The following PLEKHM2 variants were observed in gnomAD, a reference collection of about 807,000 sequenced individuals.
The protein encoded by PLEKHM2 is pleckstrin homology domain-containing family M member 2.
A neutral mutation model predicts 116.3 loss-of-function variants in PLEKHM2; 77 were observed. That is an observed-to-expected ratio of 0.66 (90% CI 0.55 to 0.80). The LOEUF (loss-of-function observed/expected upper bound fraction) is 0.80. Ranked by LOEUF, PLEKHM2 falls within the 30% of genes least tolerant of loss-of-function variation. The probability of loss-of-function intolerance (pLI) is 0.00; values close to 1 mark genes in which losing one functional copy is unlikely to be tolerated. For missense variants in PLEKHM2, 1,183 were observed against 1,354.9 expected (o/e 0.87, Z 1.99); for synonymous variants, 562 against 571.0 (o/e 0.98, Z 0.22).
chr1:15,731,209 A>G lies in PLEKHM2; in HGVS notation c.2417A>G (p.Gln806Arg). Residue 806 changes from glutamine (Q) to arginine (R), a missense_variant, in exon 16 of 20, where the codon CAG (glutamine) becomes CGG (arginine). Physicochemically the swap from Gln to Arg is conservative, Grantham distance 43 (BLOSUM62 1). Coordinates refer to ENST00000375799, the MANE Select transcript of PLEKHM2 (RefSeq NM_015164.4). Reference protein sequence around the residue: ...FVVLSNGILYQYPDRTDVIPL... With the variant: ...FVVLSNGILYRYPDRTDVIPL... ...CCCTGCAGCAACGGGATCCTCTACC[A>G]GTACCCGGACCGCACCGACGTCATC... 1 of 1,599,026 alleles carries G rather than the reference A, an allele frequency of 6.3e-7. No individual in the cohort carries two copies. Among genetic ancestry groups the G allele is most frequent in the Non-Finnish European group, 8.5e-7 (1 of 1,172,686 alleles).
chr1:15,686,666 T>TTTTTTG (rs71306989), intron 1 of PLEKHM2, among the ~76,000 whole-genome samples: 1 of 150,022 alleles, frequency 6.7e-6, no homozygotes, highest in Admixed American at 6.6e-5. Flanking sequence ...TTTTTTTTTT[T>TTTTTTG]GAGACGGAGT....
At chr1:15,696,531 A>T (rs1441989330) in intron 1 of PLEKHM2, among the ~76,000 whole-genome samples, 2 of 152,008 alleles carry the variant, frequency 1.3e-5, no homozygotes, top group Non-Finnish European at 2.9e-5. Context: ...TTGTATTTTT[A>T]GTAGAGACGG....
upstream of PLEKHM2, chr1:15,681,563 C>A: frequency 2.1e-6 from 1 of 478,714 alleles, no homozygotes; most frequent in East Asian, 6.1e-5. Flanking sequence ...AGAAGAATCC[C>A]AAAGCTTGTT....
chr1:15,718,321 G>A (rs574931660), intron 4 of PLEKHM2, among the ~76,000 whole-genome samples: 7 of 152,340 alleles, frequency 4.6e-5, no homozygotes, highest in East Asian at 1.9e-4. Flanking sequence ...CCTTGTGCTC[G>A]TCCATCTCTG....
chr1:15,697,828 G>A (rs1394891849), intron 1 of PLEKHM2, among the ~76,000 whole-genome samples: 1 of 151,874 alleles, frequency 6.6e-6, no homozygotes, highest in East Asian at 1.9e-4. Flanking sequence ...AGTAGAGACA[G>A]GGTCTCGCCA....
rs186992487 is a variant in PLEKHM2, at chr1:15,716,145, C to G, written c.61-92C>G. ...TGGTCATTGTGGATACACCATTTGA[C>G]TAATTTTTTTTAGCTACCTTCTTGA... is the stretch of plus-strand genomic sequence containing the variant. On this transcript the variant is annotated intron_variant, in intron 1 of 19. Transcript: ENST00000375799. 1.8e-4 allele frequency: 138 copies of G among 774,152 alleles called. No individual in the cohort carries two copies. In the African/African-American group the frequency reaches 2.3e-3, roughly 13 times the overall value. 48.0% of individuals were successfully genotyped at this position (774,152 alleles called of 1,614,324 possible).
At chr1:15,696,603 G>A (rs1451432965) in intron 1 of PLEKHM2, among the ~76,000 whole-genome samples, 2 of 152,046 alleles carry the variant, frequency 1.3e-5, no homozygotes, top group African/African-American at 2.4e-5. Flanking sequence ...CGCCCGCCTC[G>A]GCCTCCCAAA....
Position 15,734,080 on chromosome 1 carries a change from G to A in PLEKHM2, c.*146G>A. On this transcript the variant is annotated 3_prime_UTR_variant, in exon 20 of 20. Coordinates refer to ENST00000375799, the MANE Select transcript of PLEKHM2 (RefSeq NM_015164.4). Reference sequence around the variant, plus strand: ...GAACCACCGAGTGTGGCTTAAGACAGGGTCCCTCCACTCCAGGGATCCAGA... The same window carrying A: ...GAACCACCGAGTGTGGCTTAAGACAAGGTCCCTCCACTCCAGGGATCCAGA... 2 of 875,480 alleles carry A rather than the reference G, an allele frequency of 2.3e-6. No individual in the cohort carries two copies. The highest frequency in any genetic ancestry group is 3.4e-6 in the Non-Finnish European group (2 of 593,170). 54.2% of individuals were successfully genotyped at this position (875,480 alleles called of 1,614,324 possible). A position where few individuals can be genotyped will look rare whatever the true frequency, so the allele number is the denominator to read the frequency against.
chr1:15,727,631 C>A lies in PLEKHM2; in HGVS notation c.1559C>A (p.Thr520Asn). Reference sequence around the variant, plus strand: ...CAGACGCCTCGGCCCCTAGAGGATACCACGAGGGAGGCTCAGGAGCTGGAG... The same window carrying A: ...CAGACGCCTCGGCCCCTAGAGGATAACACGAGGGAGGCTCAGGAGCTGGAG... ...EGQTPRPLED[T>N]TREAQELEAQ... Residue 520 changes from threonine to asparagine, a missense_variant, in exon 9 of 20, where the codon ACC (threonine) becomes AAC (asparagine). Physicochemically the swap from Thr to Asn is moderately conservative, Grantham distance 65 (BLOSUM62 0). Transcript: ENST00000375799. The surrounding 1 kb of genome is among the most constrained non-coding windows in gnomAD (Gnocchi z 7.5). The A allele has an allele frequency of 6.3e-7, 1 of 1,591,326 alleles. No individual in the cohort carries two copies. Among genetic ancestry groups the A allele is most frequent in the Non-Finnish European group, 8.5e-7 (1 of 1,169,652 alleles).
intron 1 of PLEKHM2, among the ~76,000 whole-genome samples, chr1:15,702,799 C>T (rs1641142635): frequency 6.9e-6 from 1 of 145,078 alleles, no homozygotes; most frequent in Admixed American, 7.0e-5. Context: ...TGGCACATTG[C>T]AGCCTCCAGC....
rs955813301 is a variant in PLEKHM2, at chr1:15,721,690, C to T, written c.712+302C>T. Among the ~76,000 whole-genome samples the T allele has an allele frequency of 2.6e-5, 4 of 152,150 alleles. No homozygotes were observed. Among genetic ancestry groups the T allele is most frequent in the Admixed American group, 2.0e-4 (3 of 15,274 alleles). On this transcript the variant is annotated intron_variant, in intron 7 of 19. Transcript: ENST00000375799. This position sits in a 1 kb window ranked among gnomAD's most constrained non-coding sequence, Gnocchi z 5.1. ...CCTGATTCCAGTGCCAGCTGATGCT[C>T]TCGGGGTGTGTAGGGCCTGACCCAG...
chr1:15,730,026 C>A, intron 14 of PLEKHM2, 97 bp downstream of exon 14: 1 of 547,082 alleles, frequency 1.8e-6, no homozygotes, highest in Non-Finnish European at 2.8e-6. Flanking sequence ...GATGTCTTTG[C>A]CATTTCACAA....
chr1:15,708,878 A>G (rs534497214), intron 1 of PLEKHM2, among the ~76,000 whole-genome samples: 284 of 152,338 alleles, frequency 1.9e-3, no homozygotes, highest in African/African-American at 6.7e-3. Context: ...AAAGTGTGTC[A>G]TCGTCATCAT....
chr1:15,732,059 C>T lies in PLEKHM2; in HGVS notation c.2625+11C>T, dbSNP rs866175633. ...GCTGTGTCCAAAGGGGTGAGCTTCG[C>T]CTGCCCCTACCGCTCACCTGGCTTG... is the stretch of plus-strand genomic sequence containing the variant. On this transcript the variant is annotated intron_variant, in intron 17 of 19. Coordinates refer to ENST00000375799, the MANE Select transcript of PLEKHM2 (RefSeq NM_015164.4). 1.9e-6 allele frequency: 3 copies of T among 1,607,246 alleles called. No individual in the cohort carries two copies. Among genetic ancestry groups the T allele is most frequent in the Middle Eastern group, 1.7e-4 (1 of 6,040 alleles).
chr1:15,683,926 G>A (rs1571009543), upstream of PLEKHM2, among the ~76,000 whole-genome samples: 1 of 137,770 alleles, frequency 7.3e-6, no homozygotes, highest in African/African-American at 2.7e-5. Context: ...CGAGGCCTGG[G>A]GGAGGGTCTC....
In PLEKHM2 at chr1:15,727,249, C is replaced by T; in HGVS notation, c.1177C>T (p.Leu393=). ...TESSERSEPG[L]LIPEMKDTSM... The stretch of plus-strand genomic sequence containing the variant: ...GAGCAGCGAGCGCTCCGAGCCGGGC[C>T]TGCTGATCCCTGAGATGAAGGACAC... Residue 393 remains leucine, a synonymous_variant, in exon 9 of 20, where the codon CTG becomes TTG. Coordinates refer to ENST00000375799, the MANE Select transcript of PLEKHM2 (RefSeq NM_015164.4). This position sits in a 1 kb window ranked among gnomAD's most constrained non-coding sequence, Gnocchi z 7.5. 6.2e-7 allele frequency: 1 copy of T among 1,605,130 alleles called. No individual in the cohort carries two copies.
At chr1:15,730,500 T>C (rs749598077) in intron 14 of PLEKHM2, 32 bp from the exon 15 acceptor site, 1 of 1,501,294 alleles carries the variant, frequency 6.7e-7, no homozygotes, top group South Asian at 1.3e-5. Context: ...AGGCCTTACT[T>C]GCTTTGTCCC....
Position 15,721,754 on chromosome 1 carries a change from A to T in PLEKHM2, c.712+366A>T, listed in dbSNP as rs975057068. On this transcript the variant is annotated intron_variant, in intron 7 of 19. Coordinates refer to ENST00000375799, the MANE Select transcript of PLEKHM2 (RefSeq NM_015164.4). This position sits in a 1 kb window ranked among gnomAD's most constrained non-coding sequence, Gnocchi z 5.1. ...GTTCTGGAAAACCATGCCTTTAAAC[A>T]TGCGGGTTGTAAGCTCCTGCGGGTC... 6.6e-6 allele frequency among the ~76,000 whole-genome samples: 1 copy of T among 152,198 alleles called. No individual in the cohort carries two copies. Among genetic ancestry groups the T allele is most frequent in the Non-Finnish European group, 1.5e-5 (1 of 68,030 alleles).
At chr1:15,710,269 A>G (rs1383416808) in intron 1 of PLEKHM2, among the ~76,000 whole-genome samples, 3 of 151,878 alleles carry the variant, frequency 2.0e-5, no homozygotes, top group Non-Finnish European at 4.4e-5. Context: ...CCAGAAGAAA[A>G]TTGTAGTGAA....
Sources: gnomAD v4.1 joint callset for allele counts (sites outside exome capture counted in the v4.1 genomes callset) on GRCh38, gnomAD v4.1.1 for gene constraint, Gnocchi (gnomAD v3.1) non-coding constraint, MANE v1.5 for transcripts, NCBI Gene and HGNC (gene_info 2026-07-23, HGNC 2026-07-21) for gene names.